MYT1L: variants seen among roughly 807,000 people sequenced by gnomAD.
MYT1L encodes the protein myelin transcription factor 1-like protein.
Under a neutral mutation model 126.7 loss-of-function variants are expected in MYT1L, and 12 were observed. That is an observed-to-expected ratio of 0.09 (90% CI 0.06 to 0.15). The LOEUF (loss-of-function observed/expected upper bound fraction) is 0.15, where lower values mean the gene tolerates loss of function less well. Among genes scored for constraint, MYT1L ranks in the 10% least tolerant of loss-of-function variants. The pLI, the probability that MYT1L is intolerant of heterozygous loss-of-function variation, is 1.00. For missense variants in MYT1L, 979 were observed against 1,585.2 expected, an observed-to-expected ratio of 0.62 and a Z score of 6.49; for synonymous variants, 541 against 604.2, an observed-to-expected ratio of 0.90 and a Z score of 1.53.
At chr2:1,944,319 T>C (rs1392898455) in intron 8 of MYT1L, among the ~76,000 whole-genome samples, 1 of 152,150 alleles carries the variant, frequency 6.6e-6, no homozygotes, top group African/African-American at 2.4e-5. Flanking sequence ...TTTTCAAAGC[T>C]ACATTACAAA....
chr2:2,315,613 G>A (rs1204331703), intron 1 of MYT1L, among the ~76,000 whole-genome samples: 2 of 152,208 alleles, frequency 1.3e-5, no homozygotes, highest in East Asian at 3.9e-4. Context: ...GTGCCTTCCT[G>A]ATAGTCTGTT....
At chr2:2,155,900 C>T (rs148664334) in intron 3 of MYT1L, among the ~76,000 whole-genome samples, 1 of 152,216 alleles carries the variant, frequency 6.6e-6, no homozygotes, top group African/African-American at 2.4e-5. Flanking sequence ...GCTGTGTGTG[C>T]AACTCCAACC....
At chr2:1,814,977 C>T (rs1256672551) in intron 21 of MYT1L, among the ~76,000 whole-genome samples, 1 of 152,196 alleles carries the variant, frequency 6.6e-6, no homozygotes, top group Non-Finnish European at 1.5e-5. Flanking sequence ...CTGACTTATT[C>T]TAGTGACCTT....
intron 1 of MYT1L, among the ~76,000 whole-genome samples, chr2:2,288,445 C>T (rs956906852): frequency 6.6e-6 from 1 of 152,216 alleles, no homozygotes; most frequent in Admixed American, 6.5e-5. Context: ...GGGTCCTCCA[C>T]ATCCATTCAA....
intron 21 of MYT1L, among the ~76,000 whole-genome samples, chr2:1,815,175 G>A (rs2037422849): frequency 6.6e-6 from 1 of 152,158 alleles, no homozygotes; most frequent in African/African-American, 2.4e-5. Flanking sequence ...AGCTCAGTGA[G>A]CTCCGGCCGC....
At chr2:1,940,876 G>T (rs2056566807) in intron 9 of MYT1L, among the ~76,000 whole-genome samples, 1 of 152,234 alleles carries the variant, frequency 6.6e-6, no homozygotes. Context: ...CACCATGCCA[G>T]GTCTGGCCGC....
chr2:1,869,030 C>A (rs931808631), intron 18 of MYT1L, among the ~76,000 whole-genome samples: 1 of 152,250 alleles, frequency 6.6e-6, no homozygotes, highest in African/African-American at 2.4e-5. Flanking sequence ...TGAGCTTCCG[C>A]AGGCCATGGG....
chr2:1,888,787 T>C (rs2048462924), intron 16 of MYT1L, among the ~76,000 whole-genome samples: 1 of 152,236 alleles, frequency 6.6e-6, no homozygotes, highest in Non-Finnish European at 1.5e-5. Context: ...TAAACTCTTT[T>C]GAGTACTTAG....
At position 2,060,070 on chromosome 2, in the gene MYT1L, C is replaced by T. The variant is rs764662497; in HGVS notation, c.-303-5947G>A. ...CTCAATTTCATGAGTGAACCAAAGA[C>T]GAACTAAACTAACAAACTTCTATCT... On this transcript the variant is annotated intron_variant, in intron 3 of 24. Coordinates refer to ENST00000647738, the MANE Select transcript of MYT1L (RefSeq NM_001303052.2). Among the ~76,000 whole-genome samples the T allele has an allele frequency of 3.3e-5, 5 of 152,188 alleles. No individual in the cohort carries two copies. In the East Asian group the frequency reaches 5.8e-4, roughly 18 times the overall value.
At chr2:1,841,828 C>G (rs962153767) in intron 19 of MYT1L, 1 of 152,190 alleles carries the variant, frequency 6.6e-6, no homozygotes, top group African/African-American at 2.4e-5. Context: ...CAGTGATGGG[C>G]TAGTGACTTA....
At chr2:2,112,460 A>T (rs976167497) in intron 3 of MYT1L, among the ~76,000 whole-genome samples, 3 of 152,220 alleles carry the variant, frequency 2.0e-5, no homozygotes, top group African/African-American at 7.2e-5. Context: ...AAGAGTTAAC[A>T]CAATTGTACT....
chr2:1,862,126 CCT>C (rs981266165), intron 18 of MYT1L, among the ~76,000 whole-genome samples: 1 of 152,140 alleles, frequency 6.6e-6, no homozygotes, highest in Non-Finnish European at 1.5e-5. Flanking sequence ...TTTATTTTCT[CCT>C]CTTTCAGCCT....
rs2052972936 is a variant in MYT1L, at chr2:1,917,236, T to C, written c.1587A>G (p.Gly529=). 6.2e-7 allele frequency: 1 copy of C among 1,613,508 alleles called. No individual in the cohort carries two copies. Among genetic ancestry groups the C allele is most frequent in the South Asian group, 1.1e-5 (1 of 91,056 alleles). The change falls in exon 11 of 25, where the codon GGA becomes GGG. Residue 529 remains glycine (G), a synonymous_variant. Transcript: ENST00000647738. This position sits in a 1 kb window ranked among gnomAD's most constrained non-coding sequence, Gnocchi z 5.9. ...GLYPHHRSLS[G]CPHKDRVPPE... ...GAGGGACCCTATCTTTGTGCGGGCA[T>C]CCGGACAGGCTGCGGTGATGTGGGT...
intron 18 of MYT1L, among the ~76,000 whole-genome samples, chr2:1,863,624 T>C (rs543704917): frequency 6.7e-6 from 1 of 150,210 alleles, no homozygotes; most frequent in South Asian, 2.1e-4. Context: ...AGGATAGAAA[T>C]GGCATGTCCC....
intron 18 of MYT1L, among the ~76,000 whole-genome samples, chr2:1,859,774 T>C (rs1030548144): frequency 1.3e-5 from 2 of 152,230 alleles, no homozygotes; most frequent in Non-Finnish European, 2.9e-5. Flanking sequence ...CCAGCCGCCC[T>C]GCCCCCTGGC....
At chr2:2,121,477 T>C (rs534043388) in intron 3 of MYT1L, among the ~76,000 whole-genome samples, 7 of 148,036 alleles carry the variant, frequency 4.7e-5, no homozygotes, top group African/African-American at 1.3e-4. Context: ...CCTCAACCTC[T>C]TTCTTTGTTG....
At chr2:2,268,357 A>G (rs1392677690) in intron 2 of MYT1L, among the ~76,000 whole-genome samples, 2 of 152,208 alleles carry the variant, frequency 1.3e-5, no homozygotes, top group Non-Finnish European at 2.9e-5. Context: ...GCACATCAAC[A>G]TGGGGGAACA....
intron 8 of MYT1L, among the ~76,000 whole-genome samples, chr2:1,955,835 G>A (rs746979791): frequency 1.3e-5 from 2 of 152,106 alleles, no homozygotes; most frequent in African/African-American, 2.4e-5. Flanking sequence ...TCCTATTTAT[G>A]TACTTTTCAA....
In MYT1L at chr2:1,995,990, G is replaced by A. The variant is rs148114767; in HGVS notation, c.-1+1201C>T. Among the ~76,000 whole-genome samples, 1,024 of 152,328 alleles carry A rather than the reference G, an allele frequency of 6.7e-3. 15 individuals carry two copies. The highest frequency in any genetic ancestry group is 0.023 in the African/African-American group (958 of 41,580). ...GAAGTGACTGATATGGAAGAGGAGA[G>A]GGGGAAATCTGAAGGAATGGTTTAC... On this transcript the variant is annotated intron_variant, in intron 5 of 24. Coordinates refer to ENST00000647738, the MANE Select transcript of MYT1L (RefSeq NM_001303052.2).
Sources: gnomAD v4.1 joint callset for allele counts (sites outside exome capture counted in the v4.1 genomes callset) on GRCh38, gnomAD v4.1.1 for gene constraint, Gnocchi (gnomAD v3.1) non-coding constraint, MANE v1.5 for transcripts, NCBI Gene and HGNC (gene_info 2026-07-23, HGNC 2026-07-21) for gene names.